NMRK1: variants seen among roughly 807,000 people sequenced by gnomAD.
NMRK1 encodes the protein NRK 1.
A neutral mutation model predicts 29.9 loss-of-function variants in NMRK1; 28 were observed. The ratio of observed to expected loss-of-function variants is 0.94; its 90% confidence interval spans 0.69 to 1.28. The LOEUF (loss-of-function observed/expected upper bound fraction) is 1.28, where lower values mean the gene tolerates loss of function less well. Among genes scored for constraint, NMRK1 ranks in the 50% most tolerant of loss-of-function variants. The pLI is 0.00. For synonymous variants in NMRK1, 58 were observed against 73.0 expected (o/e 0.79, Z 1.05); for missense variants, 218 against 233.1 (o/e 0.94, Z 0.42).
At position 75,061,467 on chromosome 9, in the gene NMRK1, C is replaced by T. The variant is rs916503349; in HGVS notation, c.*81G>A. On this transcript the variant is annotated 3_prime_UTR_variant, in exon 9 of 9. Coordinates refer to ENST00000361092, the MANE Select transcript of NMRK1 (RefSeq NM_017881.3). The stretch of plus-strand genomic sequence containing the variant: ...ATGGCTGTCATTGTACCACAGTATA[C>T]ATTGTATCTTGGTGAAGGTTCTTAA... 2.0e-6 allele frequency: 2 copies of T among 1,015,904 alleles called. No homozygotes were observed. The highest frequency in any genetic ancestry group is 1.6e-5 in the African/African-American group (1 of 62,068). The allele number at this position is 1,015,904 out of a possible 1,614,324, so 62.9% of individuals were successfully genotyped here. A position where few individuals can be genotyped will look rare whatever the true frequency, so the allele number is the denominator to read the frequency against.
chr9:75,075,262 CT>C (rs1469447486), intron 4 of NMRK1, among the ~76,000 whole-genome samples: 2 of 152,046 alleles, frequency 1.3e-5, no homozygotes, highest in Non-Finnish European at 2.9e-5. Flanking sequence ...AATAGTAATT[CT>C]TTTCCAATTG....
chr9:75,072,862 GA>G (rs965595127), intron 4 of NMRK1, among the ~76,000 whole-genome samples: 107 of 151,048 alleles, frequency 7.1e-4, no homozygotes, highest in African/African-American at 1.8e-3. Context: ...ATGTACTCAA[GA>G]AAAAAAAATA....
At chr9:75,083,395 C>T (rs750179050) in intron 1 of NMRK1, among the ~76,000 whole-genome samples, 52 of 152,324 alleles carry the variant, frequency 3.4e-4, no homozygotes, top group Middle Eastern at 3.4e-3. Context: ...AGCACTCCCC[C>T]TTGAACGTCT....
rs185117122 is a variant in NMRK1 at position 75,068,187 on chromosome 9, G to A, written c.496+809C>T. Among the ~76,000 whole-genome samples the A allele has an allele frequency of 1.8e-3, 268 of 152,222 alleles. 4 individuals carry two copies. Among genetic ancestry groups the A allele is most frequent in the Admixed American group, 0.016 (249 of 15,282 alleles). On this transcript the variant is annotated intron_variant, in intron 7 of 8. Coordinates refer to ENST00000361092, the MANE Select transcript of NMRK1 (RefSeq NM_017881.3). ...TCACCCAGTTCTACTGAGTGCGGGC[G>A]TCCAACATCACACCCTATAAATCTA...
chr9:75,076,378 G>A (rs1030538741), intron 4 of NMRK1, among the ~76,000 whole-genome samples: 1 of 152,108 alleles, frequency 6.6e-6, no homozygotes, highest in Non-Finnish European at 1.5e-5. Flanking sequence ...AAAACAAGTG[G>A]ATTTCATGAA....
intron 2 of NMRK1, chr9:75,078,412 A>G: frequency 6.4e-7 from 1 of 1,552,448 alleles, no homozygotes; most frequent in Non-Finnish European, 8.7e-7. Context: ...GTAGCTTATC[A>G]CAACAGGCCA....
intron 8 of NMRK1, among the ~76,000 whole-genome samples, 194 bp downstream of exon 8, chr9:75,066,563 C>G (rs555671747): frequency 6.9e-6 from 1 of 145,768 alleles, no homozygotes; most frequent in South Asian, 2.2e-4. Context: ...GGTTTTACCC[C>G]TAAAAACAGA....
intron 4 of NMRK1, among the ~76,000 whole-genome samples, chr9:75,074,397 TTTA>T (rs1313204798): frequency 1.3e-5 from 2 of 150,372 alleles, no homozygotes; most frequent in Non-Finnish European, 3.0e-5. Context: ...GATTTATTTA[TTTA>T]TTTTTTTGAG....
intron 8 of NMRK1, among the ~76,000 whole-genome samples, chr9:75,063,415 T>C (rs1823154065): frequency 6.6e-6 from 1 of 151,450 alleles, no homozygotes; most frequent in Non-Finnish European, 1.5e-5. Flanking sequence ...TATAATGAGG[T>C]GAAAATAAAT....
At chr9:75,074,533 C>T (rs539466506) in intron 4 of NMRK1, among the ~76,000 whole-genome samples, 179 of 152,050 alleles carry the variant, frequency 1.2e-3, no homozygotes, top group Non-Finnish European at 1.9e-3. Flanking sequence ...ACCACAGGTG[C>T]GCACCACCAC....
At chr9:75,078,207 A>G (rs1587393302) in intron 2 of NMRK1, 1 of 1,447,656 alleles carries the variant, frequency 6.9e-7, no homozygotes, top group East Asian at 2.5e-5. Context: ...CATATGCAAC[A>G]CAGAGAATAT....
At chr9:75,071,431 T>C (rs1823692839) in intron 4 of NMRK1, among the ~76,000 whole-genome samples, 2 of 152,250 alleles carry the variant, frequency 1.3e-5, no homozygotes, top group South Asian at 4.1e-4. Context: ...TACAGCCTTT[T>C]AATAATGCTG....
intron 7 of NMRK1, among the ~76,000 whole-genome samples, chr9:75,068,554 C>A (rs1823503390): frequency 6.6e-6 from 1 of 152,190 alleles, no homozygotes; most frequent in African/African-American, 2.4e-5. Context: ...CAGTTAAACT[C>A]ATTGAAGTTT....
intron 4 of NMRK1, among the ~76,000 whole-genome samples, chr9:75,073,860 A>C (rs186145114): frequency 6.6e-6 from 1 of 152,196 alleles, no homozygotes; most frequent in African/African-American, 2.4e-5. Flanking sequence ...TAGGTAGATA[A>C]AAATTTTAGG....
chr9:75,067,953 T>G (rs1348338377), intron 7 of NMRK1, among the ~76,000 whole-genome samples: 8 of 152,226 alleles, frequency 5.3e-5, no homozygotes, highest in Admixed American at 5.2e-4. Context: ...TTGAGTGCCC[T>G]ATTCCAGTGA....
Position 75,069,075 on chromosome 9 carries a change from A to G in NMRK1, c.417T>C (p.Ser139=). ...ACACATGGCCATCAAAGTATCCCGG[A>G]GAGTCTGGAGGCTGATAGACCCTTG... ...RSTRVYQPPD[S]PGYFDGHVWP... is the part of the protein sequence containing the mutation. Residue 139 remains serine, a synonymous_variant, in exon 7 of 9, where the codon TCT becomes TCC. Coordinates refer to ENST00000361092, the MANE Select transcript of NMRK1 (RefSeq NM_017881.3). 1.2e-6 allele frequency: 2 copies of G among 1,614,036 alleles called. No individual in the cohort carries two copies. Among genetic ancestry groups the G allele is most frequent in the Non-Finnish European group, 1.7e-6 (2 of 1,179,898 alleles).
intron 1 of NMRK1, among the ~76,000 whole-genome samples, chr9:75,086,310 T>C (rs1018107908): frequency 6.6e-6 from 1 of 152,170 alleles, no homozygotes; most frequent in East Asian, 1.9e-4. Flanking sequence ...CTGTAAATCA[T>C]GTGATGTGTC....
chr9:75,087,981 G>A (rs34111234), intron 1 of NMRK1, 27 bp downstream of exon 1: 3,416 of 154,162 alleles, frequency 0.022, 56 homozygotes, highest in Middle Eastern at 0.036. Flanking sequence ...GGCGCGGCGC[G>A]GCAGGGGCGA....
intron 8 of NMRK1, among the ~76,000 whole-genome samples, chr9:75,064,457 T>C (rs955089870): frequency 3.3e-5 from 5 of 152,172 alleles, no homozygotes; most frequent in African/African-American, 7.2e-5. Flanking sequence ...ACACCCTCTA[T>C]ATCCACTCAT....
Sources: allele counts gnomAD v4.1 joint callset (sites outside exome capture counted in the v4.1 genomes callset), GRCh38; gene constraint gnomAD v4.1.1; transcripts MANE v1.5; gene names NCBI Gene and HGNC (gene_info 2026-07-23, HGNC 2026-07-21).